The following UTP20 variants were observed in gnomAD, a reference collection of about 807,000 sequenced individuals.
UTP20 encodes the protein small subunit processome component 20 homolog.
In UTP20, 164 loss-of-function variants were observed where a neutral mutation model predicts 329.5. The observed-to-expected ratio is 0.50, with a 90% CI of 0.44 to 0.57. UTP20 has a LOEUF of 0.57. Among genes scored for constraint, UTP20 ranks in the 20% least tolerant of loss-of-function variants. The probability of loss-of-function intolerance (pLI) is 0.00; values close to 1 mark genes in which losing one functional copy is unlikely to be tolerated. For synonymous variants in UTP20, 1,151 were observed against 1,159.3 expected, an observed-to-expected ratio of 0.99 and a Z score of 0.14; for missense variants, 3,055 against 3,284.2, an observed-to-expected ratio of 0.93 and a Z score of 1.71.
intron 30 of UTP20, 80 bp from the exon 31 acceptor site, chr12:101,338,733 T>C: frequency 1.6e-6 from 2 of 1,273,634 alleles, no homozygotes. Flanking sequence ...TTGAGTGCTT[T>C]TCTTATCATC....
intron 56 of UTP20, among the ~76,000 whole-genome samples, chr12:101,378,506 T>G (rs528750098): frequency 6.6e-6 from 1 of 151,978 alleles, no homozygotes; most frequent in Non-Finnish European, 1.5e-5. Context: ...AGTGGATCAC[T>G]TAAGGAGTTT....
Position 101,352,123 on chromosome 12 carries a change from G to C in UTP20, c.4953G>C (p.Ala1651=). 1 of 1,613,922 alleles carries C rather than the reference G, an allele frequency of 6.2e-7. No individual in the cohort carries two copies. The highest frequency in any genetic ancestry group is 8.5e-7 in the Non-Finnish European group (1 of 1,179,970). The change falls in exon 39 of 62, where the codon GCG becomes GCC. Residue 1651 remains alanine, a synonymous_variant. Transcript: ENST00000261637. ...GAICKHLSWS[A]YMYYLKHFIH... ...TTTGCAAACATCTCTCTTGGTCAGC[G>C]TATATGTATTACTTGAAACATTTCA... is the stretch of plus-strand genomic sequence containing the variant.
chr12:101,297,133 AC>A (rs1872382585), intron 12 of UTP20, among the ~76,000 whole-genome samples: 1 of 152,206 alleles, frequency 6.6e-6, no homozygotes, highest in Admixed American at 6.5e-5. Flanking sequence ...TTACTGTCCC[AC>A]AGTCACAGAG....
At chr12:101,376,417 T>G (rs1484698447) in intron 56 of UTP20, among the ~76,000 whole-genome samples, 1 of 152,168 alleles carries the variant, frequency 6.6e-6, no homozygotes, top group East Asian at 1.9e-4. Context: ...AACAGTATAC[T>G]TAGACAAATC....
intron 39 of UTP20, 68 bp from the exon 40 acceptor site, chr12:101,352,979 C>T: frequency 1.0e-6 from 1 of 955,994 alleles, no homozygotes; most frequent in East Asian, 2.6e-5. Flanking sequence ...TTTAAATTTC[C>T]TCTCCTTTTA....
intron 20 of UTP20, 38 bp from the exon 21 acceptor site, chr12:101,311,997 AT>A: frequency 6.2e-7 from 1 of 1,612,262 alleles, no homozygotes; most frequent in Non-Finnish European, 8.5e-7. Context: ...ATAAATGTTG[AT>A]ATTTGTCTGG....
At chr12:101,302,906 C>T (rs1446243238) in intron 15 of UTP20, among the ~76,000 whole-genome samples, 3 of 152,220 alleles carry the variant, frequency 2.0e-5, no homozygotes, top group Non-Finnish European at 4.4e-5. Context: ...TGTTCGGCCT[C>T]AACTTGAGGT....
rs1290202929 is a variant in UTP20, at chr12:101,361,986, C to G, written c.5716C>G (p.His1906Asp). 3 of 1,613,626 alleles carry G rather than the reference C, an allele frequency of 1.9e-6. No individual in the cohort carries two copies. The African/African-American group carries it at 4.0e-5, about 22-fold the overall frequency. Residue 1906 changes from histidine (H) to aspartate (D), a missense_variant, in exon 44 of 62, where the codon CAC becomes GAC. His to Asp is a moderately conservative substitution (Grantham distance 81, BLOSUM62 -1). This residue lies in a region of UTP20 where 2,445 missense variants were observed against 2,575.5 expected (regional missense o/e 0.95). Coordinates refer to ENST00000261637, the MANE Select transcript of UTP20 (RefSeq NM_014503.3). ...GGTCCATGTGCTGACTTTCACCGTTCACATGCTGCTGCAAGGCCTCACCAA... is the reference window on the plus strand; with the variant it reads ...GGTCCATGTGCTGACTTTCACCGTTGACATGCTGCTGCAAGGCCTCACCAA... ...YQVHVLTFTV[H>D]MLLQGLTNKL...
rs780263725 is a variant in UTP20, at chr12:101,354,911, A to G, written c.5187A>G (p.Thr1729=). The stretch of plus-strand genomic sequence containing the variant: ...TGGATGAGGAAGAGAAGGAATATAC[A>G]TGCAAGAGTTTGTCAGACAACGGAC... The part of the protein sequence containing the change: ...ERVDEEEKEY[T]CKSLSDNGQP... Residue 1729 remains threonine, a synonymous_variant, in exon 41 of 62, where the codon ACA becomes ACG. Transcript: ENST00000261637. The G allele has an allele frequency of 1.2e-6, 2 of 1,614,170 alleles. No homozygotes were observed. Among genetic ancestry groups the G allele is most frequent in the African/African-American group, 1.3e-5 (1 of 75,030 alleles).
chr12:101,331,089 G>A (rs776134751), intron 27 of UTP20, among the ~76,000 whole-genome samples: 7 of 152,178 alleles, frequency 4.6e-5, no homozygotes, highest in Non-Finnish European at 1.0e-4. Context: ...AAGCAACAGT[G>A]TAACTTGTAA....
At chr12:101,344,383 T>C (rs1869249702) in intron 35 of UTP20, among the ~76,000 whole-genome samples, 1 of 152,222 alleles carries the variant, frequency 6.6e-6, no homozygotes, top group Admixed American at 6.5e-5. Flanking sequence ...ATGACACTTC[T>C]TGGGAAGCGT....
At chr12:101,372,411 A>G (rs186552776) in intron 51 of UTP20, among the ~76,000 whole-genome samples, 256 of 152,386 alleles carry the variant, frequency 1.7e-3, no homozygotes, top group African/African-American at 5.6e-3. Context: ...GAATGATGAG[A>G]TTTAACTGAG....
chr12:101,315,497 C>G (rs1309706364), intron 21 of UTP20, among the ~76,000 whole-genome samples: 3 of 151,318 alleles, frequency 2.0e-5, no homozygotes, highest in Admixed American at 2.0e-4. Context: ...AAAAAAAAGG[C>G]TAGAACCATG....
intron 44 of UTP20, 82 bp downstream of exon 44, chr12:101,362,142 A>C: frequency 1.0e-6 from 1 of 964,970 alleles, no homozygotes; most frequent in Non-Finnish European, 1.6e-6. Flanking sequence ...ATAAGAAATA[A>C]TAATAGCCCA....
intron 56 of UTP20, among the ~76,000 whole-genome samples, 179 bp downstream of exon 56, chr12:101,375,935 A>G (rs190876377): frequency 2.0e-5 from 3 of 150,626 alleles, no homozygotes; most frequent in Admixed American, 6.6e-5. Flanking sequence ...TTCCCTTCTG[A>G]AAAAAAAACG....
intron 10 of UTP20, among the ~76,000 whole-genome samples, chr12:101,292,876 C>T (rs971500968): frequency 6.6e-6 from 1 of 152,164 alleles, no homozygotes; most frequent in Non-Finnish European, 1.5e-5. Context: ...TGGTTAAGTT[C>T]TTTCTAGCTT....
At chr12:101,312,334 A>C in intron 21 of UTP20, 58 bp downstream of exon 21, 1 of 1,590,954 alleles carries the variant, frequency 6.3e-7, no homozygotes, top group Non-Finnish European at 8.5e-7. Flanking sequence ...AGAATGTGAG[A>C]AGTATTAACC....
At chr12:101,373,962 G>A (rs180885337) in intron 54 of UTP20, among the ~76,000 whole-genome samples, 195 bp downstream of exon 54, 17 of 152,292 alleles carry the variant, frequency 1.1e-4, no homozygotes, top group African/African-American at 3.1e-4. Flanking sequence ...TAGGCCGGGC[G>A]CGGTGGCTCA....
At chr12:101,318,697 G>C (rs1379444404) in intron 22 of UTP20, among the ~76,000 whole-genome samples, 1 of 151,936 alleles carries the variant, frequency 6.6e-6, no homozygotes, top group Non-Finnish European at 1.5e-5. Flanking sequence ...CAGGCATGGT[G>C]GTGCACGCCT....
Sources: gnomAD v4.1 joint callset for allele counts (sites outside exome capture counted in the v4.1 genomes callset) on GRCh38, gnomAD v4.1.1 for gene constraint, gnomAD v4.1.1 regional missense constraint, MANE v1.5 for transcripts, NCBI Gene and HGNC (gene_info 2026-07-23, HGNC 2026-07-21) for gene names.